RBMS3: variants seen among roughly 807,000 people sequenced by gnomAD.
RBMS3 encodes RNA-binding motif, single-stranded-interacting protein 3.
Under a neutral mutation model 66.8 loss-of-function variants are expected in RBMS3, and 27 were observed. The ratio of observed to expected loss-of-function variants is 0.40; its 90% CI spans 0.30 to 0.56. The LOEUF (loss-of-function observed/expected upper bound fraction) is 0.56, where lower values mean the gene tolerates loss of function less well. RBMS3 is among the 20% of genes least tolerant of loss of function. RBMS3 has a pLI of 0.40. For synonymous variants in RBMS3, 188 were observed against 183.0 expected, an observed-to-expected ratio of 1.03 and a Z score of -0.22; for missense variants, 513 against 549.5, an observed-to-expected ratio of 0.93 and a Z score of 0.66.
At chr3:29,653,229 C>A (rs2050204328) in intron 4 of RBMS3, among the ~76,000 whole-genome samples, 1 of 152,064 alleles carries the variant, frequency 6.6e-6, no homozygotes. Context: ...CTCAGATAAG[C>A]TAATTAAAAT....
At chr3:29,409,916 C>T (rs560847398) in intron 1 of RBMS3, among the ~76,000 whole-genome samples, 2 of 151,820 alleles carry the variant, frequency 1.3e-5, no homozygotes, top group African/African-American at 4.8e-5. Flanking sequence ...TGTTATGGGT[C>T]TGTTATTGGA....
chr3:29,296,671 C>T (rs1244338369), intron 1 of RBMS3, among the ~76,000 whole-genome samples: 2 of 151,704 alleles, frequency 1.3e-5, no homozygotes, highest in Non-Finnish European at 2.9e-5. Context: ...TAAAATATGT[C>T]TAGAAGATGG....
chr3:29,981,990 G>A (rs953328491), intron 12 of RBMS3, among the ~76,000 whole-genome samples: 1 of 152,166 alleles, frequency 6.6e-6, no homozygotes, highest in African/African-American at 2.4e-5. Context: ...AATAGTTTCA[G>A]AAGGAATGGT....
intron 10 of RBMS3, among the ~76,000 whole-genome samples, chr3:29,917,143 C>CA (rs1559797819): frequency 2.0e-5 from 3 of 151,632 alleles, no homozygotes; most frequent in Non-Finnish European, 4.4e-5. Flanking sequence ...AAAACCAAAC[C>CA]AAAAAAAGAT....
At chr3:29,670,677 C>A (rs2050959379) in intron 4 of RBMS3, among the ~76,000 whole-genome samples, 1 of 152,236 alleles carries the variant, frequency 6.6e-6, no homozygotes, top group African/African-American at 2.4e-5. Context: ...CAAGATCGAA[C>A]TGCAAGGCAG....
chr3:29,992,706 C>A (rs188134151), intron 14 of RBMS3, among the ~76,000 whole-genome samples: 4 of 151,974 alleles, frequency 2.6e-5, no homozygotes, highest in African/African-American at 9.7e-5. Context: ...GCCAACAAGC[C>A]GAGTGAGGGG....
intron 10 of RBMS3, among the ~76,000 whole-genome samples, chr3:29,930,639 T>C (rs577990575): frequency 7.9e-5 from 12 of 152,192 alleles, no homozygotes; most frequent in African/African-American, 2.6e-4. Context: ...TCGGCAGTTA[T>C]GATAACCAAA....
rs199836082 is a variant in RBMS3, at chr3:29,293,175, G to GA, written c.75+11421dup. 2.8e-3 allele frequency among the ~76,000 whole-genome samples: 424 copies of GA among 151,878 alleles called. 7 individuals carry two copies. The East Asian group carries it at 0.033, about 12-fold the overall frequency. Reference sequence around the variant, plus strand: ...GGATGTTTTTCAGAAAGAGTCATTGGAATCAAGTTTTAAAGTGTATTTTTG... The same window carrying GA: ...GGATGTTTTTCAGAAAGAGTCATTGGAAATCAAGTTTTAAAGTGTATTTTTG... On this transcript the variant is annotated intron_variant, in intron 1 of 14. Coordinates refer to ENST00000383767, the MANE Select transcript of RBMS3 (RefSeq NM_001003793.3).
chr3:29,851,708 C>G (rs2058939470), intron 6 of RBMS3, among the ~76,000 whole-genome samples: 1 of 152,096 alleles, frequency 6.6e-6, no homozygotes, highest in African/African-American at 2.4e-5. Context: ...CCAAGCAGGG[C>G]CACATTCTGG....
At chr3:29,709,213 A>C (rs2149303463) in intron 4 of RBMS3, among the ~76,000 whole-genome samples, 1 of 152,290 alleles carries the variant, frequency 6.6e-6, no homozygotes, top group Middle Eastern at 3.4e-3. Flanking sequence ...CCTGCAGCCA[A>C]CGAGTAATCA....
chr3:29,932,744 T>G (rs2061161976), intron 10 of RBMS3, among the ~76,000 whole-genome samples: 1 of 152,210 alleles, frequency 6.6e-6, no homozygotes, highest in Non-Finnish European at 1.5e-5. Context: ...GACTTCAAAT[T>G]TCTTTCAAAC....
intron 4 of RBMS3, among the ~76,000 whole-genome samples, chr3:29,613,076 C>A (rs2048545568): frequency 6.6e-6 from 1 of 152,092 alleles, no homozygotes; most frequent in Non-Finnish European, 1.5e-5. Context: ...TAGGGTCCCA[C>A]ACATGAACAA....
intron 6 of RBMS3, among the ~76,000 whole-genome samples, chr3:29,793,689 A>C (rs2057088321): frequency 6.6e-6 from 1 of 152,248 alleles, no homozygotes; most frequent in Admixed American, 6.5e-5. Context: ...AATCATGTGC[A>C]CATTGCATTC....
intron 8 of RBMS3, among the ~76,000 whole-genome samples, chr3:29,884,800 C>T (rs2059830576): frequency 6.6e-6 from 1 of 151,876 alleles, no homozygotes; most frequent in Admixed American, 6.6e-5. Context: ...TTCTAAATAT[C>T]TTTCATTGAA....
At chr3:29,994,472 G>T (rs11129376) in intron 14 of RBMS3, among the ~76,000 whole-genome samples, 23,470 of 152,244 alleles carry the variant, frequency 0.15, 1,983 homozygotes, top group Middle Eastern at 0.22. Flanking sequence ...CCACCTCTGG[G>T]GACAGGGCAC....
intron 1 of RBMS3, among the ~76,000 whole-genome samples, chr3:29,415,229 T>A (rs2040433734): frequency 6.6e-6 from 1 of 152,234 alleles, no homozygotes; most frequent in African/African-American, 2.4e-5. Context: ...AAACTGTAGA[T>A]ACCGGCAATT....
intron 10 of RBMS3, among the ~76,000 whole-genome samples, chr3:29,917,844 C>A (rs1399219330): frequency 6.6e-6 from 1 of 152,044 alleles, no homozygotes; most frequent in East Asian, 1.9e-4. Flanking sequence ...CTAGAAAATT[C>A]CAGGCATCAG....
intron 1 of RBMS3, among the ~76,000 whole-genome samples, chr3:29,330,550 G>A (rs11917251): frequency 1.1e-3 from 168 of 152,118 alleles, no homozygotes; most frequent in African/African-American, 3.9e-3. Context: ...TTCTGGGTGG[G>A]TATCTATTCT....
At chr3:29,702,098 C>T (rs992954123) in intron 4 of RBMS3, among the ~76,000 whole-genome samples, 3 of 152,106 alleles carry the variant, frequency 2.0e-5, no homozygotes, top group Non-Finnish European at 4.4e-5. Flanking sequence ...TTTGTAAACA[C>T]ACCAATCAGC....
Sources: allele counts gnomAD v4.1 joint callset (sites outside exome capture counted in the v4.1 genomes callset), GRCh38; gene constraint gnomAD v4.1.1; transcripts MANE v1.5; gene names NCBI Gene and HGNC (gene_info 2026-07-23, HGNC 2026-07-21).